The following ST6GALNAC5 variants were observed in gnomAD, a reference collection of about 807,000 sequenced individuals.
The protein encoded by ST6GALNAC5 is alpha-N-acetylgalactosaminide alpha-2,6-sialyltransferase 5.
A neutral mutation model predicts 33.6 loss-of-function variants in ST6GALNAC5; 27 were observed. That is an observed-to-expected ratio of 0.80 (90% CI 0.59 to 1.11). The LOEUF (loss-of-function observed/expected upper bound fraction) is 1.11. ST6GALNAC5 is among the 50% of genes least tolerant of loss of function. The pLI, the probability that ST6GALNAC5 is intolerant of heterozygous loss-of-function variation, is 0.00. For missense variants in ST6GALNAC5, 428 were observed against 454.0 expected (o/e 0.94, Z 0.52); for synonymous variants, 194 against 171.2 (o/e 1.13, Z -1.04).
At chr1:76,869,284 G>C (rs563000591) in intron 2 of ST6GALNAC5, among the ~76,000 whole-genome samples, 47 of 152,188 alleles carry the variant, frequency 3.1e-4, no homozygotes, top group Non-Finnish European at 4.1e-4. Context: ...AGACTTGAGG[G>C]ACACACTCAG....
At chr1:76,970,905 A>G (rs1219474047) in intron 2 of ST6GALNAC5, among the ~76,000 whole-genome samples, 1 of 152,186 alleles carries the variant, frequency 6.6e-6, no homozygotes, top group East Asian at 1.9e-4. Flanking sequence ...TAATTTGTAG[A>G]TGATGTGATT....
chr1:77,001,702 G>T (rs1251036384), intron 2 of ST6GALNAC5, among the ~76,000 whole-genome samples: 4 of 151,374 alleles, frequency 2.6e-5, no homozygotes, highest in Admixed American at 6.6e-5. Context: ...AGCATGAAGG[G>T]TTGTTGAATT....
At chr1:77,038,059 T>C (rs1022111320) in intron 2 of ST6GALNAC5, among the ~76,000 whole-genome samples, 8 of 152,224 alleles carry the variant, frequency 5.3e-5, no homozygotes, top group Non-Finnish European at 1.2e-4. Flanking sequence ...ACCTTTCTAA[T>C]GAGTAGAAGA....
Position 77,054,378 on chromosome 1 carries a change from A to T in ST6GALNAC5, c.779+4013A>T, listed in dbSNP as rs1018760308. 2.6e-5 allele frequency among the ~76,000 whole-genome samples: 4 copies of T among 152,294 alleles called. No individual in the cohort carries two copies. In the East Asian group the frequency reaches 7.7e-4, roughly 29 times the overall value. ...GACAACAGGAATATTGGACCCTTCC[A>T]CCCGACTTGGTCAGGGGCAGACCCA... On this transcript the variant is annotated intron_variant, in intron 4 of 4. Coordinates refer to ENST00000477717, the MANE Select transcript of ST6GALNAC5 (RefSeq NM_030965.3).
chr1:77,027,951 G>A (rs1051535159), intron 2 of ST6GALNAC5, among the ~76,000 whole-genome samples: 1 of 152,144 alleles, frequency 6.6e-6, no homozygotes, highest in Non-Finnish European at 1.5e-5. Flanking sequence ...TATCCCTCCT[G>A]AGTAAGTCTT....
At chr1:77,050,819 C>T (rs545725275) in intron 4 of ST6GALNAC5, among the ~76,000 whole-genome samples, 1 of 152,258 alleles carries the variant, frequency 6.6e-6, no homozygotes, top group Non-Finnish European at 1.5e-5. Flanking sequence ...TGGGCTTGCA[C>T]TTCTAAGGCC....
chr1:76,936,641 G>T (rs1048864708), intron 2 of ST6GALNAC5, among the ~76,000 whole-genome samples: 2 of 152,058 alleles, frequency 1.3e-5, no homozygotes, highest in Non-Finnish European at 2.9e-5. Context: ...AGTTCCCTTT[G>T]TAGGGTCAAC....
chr1:76,868,259 C>A lies in ST6GALNAC5; in HGVS notation c.16-238C>A, dbSNP rs1234831165. Among the ~76,000 whole-genome samples, 2 of 152,060 alleles carry A rather than the reference C, an allele frequency of 1.3e-5. No individual in the cohort carries two copies. Among genetic ancestry groups the A allele is most frequent in the Non-Finnish European group, 2.9e-5 (2 of 67,994 alleles). ...TCAGCCCGGGGCCGTACACCACCTG[C>A]CCTCTACCGAGAGATCTGGGCGGCG... is the stretch of plus-strand genomic sequence containing the variant. On this transcript the variant is annotated intron_variant, in intron 1 of 4. Transcript: ENST00000477717. This position sits in a 1 kb window ranked among gnomAD's most constrained non-coding sequence, Gnocchi z 4.3.
Position 77,066,868 on chromosome 1 carries a change from T to C in ST6GALNAC5, c.*3662T>C, listed in dbSNP as rs199662. On this transcript the variant is annotated 3_prime_UTR_variant, in exon 5 of 5. Transcript: ENST00000477717. The stretch of plus-strand genomic sequence containing the variant: ...GTGCTCCTAAACCAGCAGTCTTTGG[T>C]GCTGTTAAGGTCTTCCTTGTAGGTT... 0.39 allele frequency among the ~76,000 whole-genome samples: 58,633 copies of C among 152,080 alleles called. 12,134 individuals carry two copies. The highest frequency in any genetic ancestry group is 0.54 in the African/African-American group (22,203 of 41,466).
At chr1:76,893,741 A>G (rs1248016921) in intron 2 of ST6GALNAC5, among the ~76,000 whole-genome samples, 2 of 151,706 alleles carry the variant, frequency 1.3e-5, no homozygotes. Context: ...GCTCACTGCA[A>G]CCTCTGCCTC....
intron 2 of ST6GALNAC5, among the ~76,000 whole-genome samples, chr1:76,993,643 T>G (rs1305011665): frequency 1.3e-5 from 2 of 152,254 alleles, no homozygotes; most frequent in Admixed American, 6.5e-5. Flanking sequence ...GAAATTGTTA[T>G]TGTTGGAGAA....
At chr1:77,036,818 G>C (rs895210696) in intron 2 of ST6GALNAC5, among the ~76,000 whole-genome samples, 5 of 152,196 alleles carry the variant, frequency 3.3e-5, no homozygotes, top group African/African-American at 1.2e-4. Flanking sequence ...CTCCTTTCGG[G>C]GAGCTTAAAC....
chr1:77,010,627 G>A (rs570322710), intron 2 of ST6GALNAC5, among the ~76,000 whole-genome samples: 111 of 148,894 alleles, frequency 7.5e-4, no homozygotes, highest in African/African-American at 2.8e-3. Context: ...CTCAGCCTGC[G>A]ACACTGTCCA....
In ST6GALNAC5 at chr1:77,066,713, A is replaced by C. The variant is rs1008826184; in HGVS notation, c.*3507A>C. Among the ~76,000 whole-genome samples, 3 of 152,172 alleles carry C rather than the reference A, an allele frequency of 2.0e-5. No individual in the cohort carries two copies. Among genetic ancestry groups the C allele is most frequent in the Admixed American group, 6.5e-5 (1 of 15,286 alleles). On this transcript the variant is annotated 3_prime_UTR_variant, in exon 5 of 5. Transcript: ENST00000477717. ...CCTATTCTCTCTCTGCAGTGTTGGGAGGTGATGTTAACACTCTACATGTTT... is the reference window on the plus strand; with the variant it reads ...CCTATTCTCTCTCTGCAGTGTTGGGCGGTGATGTTAACACTCTACATGTTT...
chr1:76,936,989 T>TGTGTGTGTGTGTGTGTGTGA (rs67110021), intron 2 of ST6GALNAC5, among the ~76,000 whole-genome samples: 2 of 150,656 alleles, frequency 1.3e-5, no homozygotes, highest in Non-Finnish European at 3.0e-5. Flanking sequence ...TGTGTGTGTG[T>TGTGTGTGTGTGTGTGTGTGA]ATGTGTTAGA....
intron 2 of ST6GALNAC5, among the ~76,000 whole-genome samples, chr1:76,871,047 G>A (rs1298664777): frequency 6.6e-6 from 1 of 152,238 alleles, no homozygotes; most frequent in East Asian, 1.9e-4. Context: ...AGGTGCATGT[G>A]TAAAATGTTG....
At chr1:76,947,219 G>A (rs1026899899) in intron 2 of ST6GALNAC5, among the ~76,000 whole-genome samples, 9 of 151,974 alleles carry the variant, frequency 5.9e-5, no homozygotes, top group African/African-American at 2.2e-4. Context: ...TAGCCTAATA[G>A]CAATATCTTG....
At chr1:76,886,026 G>T (rs980339652) in intron 2 of ST6GALNAC5, among the ~76,000 whole-genome samples, 8 of 152,168 alleles carry the variant, frequency 5.3e-5, no homozygotes, top group Non-Finnish European at 8.8e-5. Context: ...TTGTACATAT[G>T]CAGCCTCACG....
chr1:76,984,402 C>G (rs1489463145), intron 2 of ST6GALNAC5, among the ~76,000 whole-genome samples: 1 of 152,138 alleles, frequency 6.6e-6, no homozygotes, highest in African/African-American at 2.4e-5. Context: ...CAAAAATAAA[C>G]TGGAAAGTCT....
Sources: allele counts gnomAD v4.1 joint callset (sites outside exome capture counted in the v4.1 genomes callset), GRCh38; gene constraint gnomAD v4.1.1; non-coding constraint Gnocchi (gnomAD v3.1); transcripts MANE v1.5; gene names NCBI Gene and HGNC (gene_info 2026-07-23, HGNC 2026-07-21).